The following LRP1B variants were observed in gnomAD, a reference collection of about 807,000 sequenced individuals.
The protein encoded by LRP1B is low-density lipoprotein receptor-related protein 1B.
In LRP1B, 217 loss-of-function variants were observed where a neutral mutation model predicts 556.6. The ratio of observed to expected loss-of-function variants is 0.39; its 90% confidence interval spans 0.35 to 0.44. The LOEUF (loss-of-function observed/expected upper bound fraction) is 0.44. Ranked by LOEUF, LRP1B falls within the 20% of genes least tolerant of loss-of-function variation. The pLI, the probability that LRP1B is intolerant of heterozygous loss-of-function variation, is 1.00. For missense variants in LRP1B, 5,053 were observed against 5,620.8 expected, an observed-to-expected ratio of 0.90 and a Z score of 3.23; for synonymous variants, 2,047 against 1,865.8, an observed-to-expected ratio of 1.10 and a Z score of -2.50.
chr2:141,452,344 GA>G (rs1681452310), intron 3 of LRP1B, among the ~76,000 whole-genome samples: 1 of 152,142 alleles, frequency 6.6e-6, no homozygotes, highest in Non-Finnish European at 1.5e-5. Flanking sequence ...ATACAATGCT[GA>G]ATATTGGTAA....
At chr2:141,432,699 G>T (rs1231639331) in intron 3 of LRP1B, among the ~76,000 whole-genome samples, 1 of 151,908 alleles carries the variant, frequency 6.6e-6, no homozygotes. Context: ...GCATATAGTT[G>T]TTCATGATGG....
At chr2:140,394,969 A>G (rs1374627388) in intron 66 of LRP1B, among the ~76,000 whole-genome samples, 1 of 152,190 alleles carries the variant, frequency 6.6e-6, no homozygotes, top group Non-Finnish European at 1.5e-5. Context: ...TTGGTATCTA[A>G]TGACTATACG....
intron 27 of LRP1B, among the ~76,000 whole-genome samples, chr2:140,867,369 A>G (rs1280520188): frequency 3.3e-5 from 5 of 152,054 alleles, no homozygotes; most frequent in African/African-American, 1.2e-4. Flanking sequence ...CATCTTAGGA[A>G]TTAAGATGCC....
chr2:141,107,667 A>C (rs533381124), intron 7 of LRP1B, among the ~76,000 whole-genome samples: 1 of 146,748 alleles, frequency 6.8e-6, no homozygotes, highest in Non-Finnish European at 1.5e-5. Context: ...AGAAAGAAAG[A>C]CTATATTTAA....
intron 3 of LRP1B, among the ~76,000 whole-genome samples, chr2:141,258,564 T>C (rs1158744416): frequency 6.6e-6 from 1 of 152,142 alleles, no homozygotes; most frequent in East Asian, 1.9e-4. Flanking sequence ...ATCCACTTTG[T>C]TCTGTTTTTA....
At chr2:141,236,454 T>G (rs551048994) in intron 5 of LRP1B, among the ~76,000 whole-genome samples, 45 of 152,202 alleles carry the variant, frequency 3.0e-4, no homozygotes, top group African/African-American at 1.1e-3. Context: ...AGCTAAGGCA[T>G]TTGGGGGATC....
At chr2:141,537,820 G>C (rs1685117534) in intron 2 of LRP1B, among the ~76,000 whole-genome samples, 1 of 152,030 alleles carries the variant, frequency 6.6e-6, no homozygotes, top group African/African-American at 2.4e-5. Context: ...ATCTAGAGTG[G>C]GGAGCGGGAT....
At chr2:141,388,996 T>A (rs1322190896) in intron 3 of LRP1B, among the ~76,000 whole-genome samples, 1 of 152,142 alleles carries the variant, frequency 6.6e-6, no homozygotes, top group East Asian at 1.9e-4. Context: ...ATGTAAGACC[T>A]AAATAAATGG....
intron 1 of LRP1B, among the ~76,000 whole-genome samples, chr2:141,907,416 G>T (rs929393140): frequency 6.6e-6 from 1 of 151,846 alleles, no homozygotes; most frequent in African/African-American, 2.4e-5. Context: ...ACAGTCATCA[G>T]ATTTCTATAT....
chr2:141,375,277 G>A (rs1159721868), intron 3 of LRP1B, among the ~76,000 whole-genome samples: 2 of 152,174 alleles, frequency 1.3e-5, no homozygotes, highest in African/African-American at 4.8e-5. Flanking sequence ...GCATTTGGCT[G>A]AGTGTGCCTG....
chr2:141,557,260 C>T (rs899891092), intron 2 of LRP1B, among the ~76,000 whole-genome samples: 20 of 151,694 alleles, frequency 1.3e-4, no homozygotes, highest in African/African-American at 2.2e-4. Context: ...AACAACGAAA[C>T]GAAGAGAGTG....
intron 3 of LRP1B, among the ~76,000 whole-genome samples, chr2:141,355,332 C>A (rs2714206): frequency 0.41 from 62,684 of 151,736 alleles, 14,375 homozygotes; most frequent in Non-Finnish European, 0.53. Flanking sequence ...ACCTTAATAT[C>A]CACCCTTATA....
At chr2:140,568,257 C>T (rs1280519197) in intron 43 of LRP1B, among the ~76,000 whole-genome samples, 7 of 140,256 alleles carry the variant, frequency 5.0e-5, no homozygotes, top group Admixed American at 4.9e-4. Context: ...GGAAAAATAC[C>T]AAATGGATTA....
chr2:140,650,307 ATTTTTATTTATTTATTTATT>A (rs1553506303), intron 41 of LRP1B, among the ~76,000 whole-genome samples: 9,770 of 139,094 alleles, frequency 0.07, 413 homozygotes, highest in East Asian at 0.17. Context: ...CTTTATTTTT[ATTTTTATTTATTTATTTATT>A]TATTTATTTA....
At chr2:141,624,930 C>T (rs575895381) in intron 2 of LRP1B, among the ~76,000 whole-genome samples, 53 of 152,036 alleles carry the variant, frequency 3.5e-4, no homozygotes, top group Admixed American at 2.5e-3. Context: ...CCACCACGCC[C>T]GGCTAATTTT....
chr2:141,160,064 G>A (rs1290151150), intron 7 of LRP1B, among the ~76,000 whole-genome samples: 1 of 151,972 alleles, frequency 6.6e-6, no homozygotes, highest in Non-Finnish European at 1.5e-5. Context: ...CAGTATACCT[G>A]TGTAACAAAC....
chr2:140,935,862 T>C (rs149713403), intron 20 of LRP1B, among the ~76,000 whole-genome samples: 1 of 151,982 alleles, frequency 6.6e-6, no homozygotes, highest in Non-Finnish European at 1.5e-5. Flanking sequence ...ATATCCAAGT[T>C]TCTGGTGAGA....
chr2:140,303,050 T>TAG (rs1683906351), intron 83 of LRP1B, among the ~76,000 whole-genome samples: 1 of 116,772 alleles, frequency 8.6e-6, no homozygotes, highest in Non-Finnish European at 1.9e-5. Context: ...TATATATATA[T>TAG]ATGGACATAC....
chr2:141,003,849 C>A (rs1447369420), intron 15 of LRP1B, among the ~76,000 whole-genome samples: 1 of 152,016 alleles, frequency 6.6e-6, no homozygotes, highest in African/African-American at 2.4e-5. Context: ...CCAGTGTAAG[C>A]ATTCACTCAA....
Sources: gnomAD v4.1 joint callset for allele counts (sites outside exome capture counted in the v4.1 genomes callset) on GRCh38, gnomAD v4.1.1 for gene constraint, MANE v1.5 for transcripts, NCBI Gene and HGNC (gene_info 2026-07-23, HGNC 2026-07-21) for gene names.